The following TMPRSS9 variants were observed in gnomAD, a reference collection of about 807,000 sequenced individuals.
TMPRSS9 encodes the protein transmembrane serine protease 9, also known as transmembrane protease serine 9.
Under a neutral mutation model 111.4 loss-of-function variants are expected in TMPRSS9, and 113 were observed. The ratio of observed to expected loss-of-function variants is 1.01; its 90% CI spans 0.87 to 1.19. The LOEUF (loss-of-function observed/expected upper bound fraction) is 1.19. Among genes scored for constraint, TMPRSS9 ranks in the 50% most tolerant of loss-of-function variants. The pLI, the probability that TMPRSS9 is intolerant of heterozygous loss-of-function variation, is 0.00. For synonymous variants in TMPRSS9, 805 were observed against 659.1 expected, an observed-to-expected ratio of 1.22 and a Z score of -3.39; for missense variants, 1,803 against 1,513.1, an observed-to-expected ratio of 1.19 and a Z score of -3.18.
chr19:2,418,187 C>T (rs905009967), intron 13 of TMPRSS9, 49 bp downstream of exon 14: 2 of 1,544,432 alleles, frequency 1.3e-6, no homozygotes, highest in African/African-American at 2.9e-5. Flanking sequence ...GAAATGCCCA[C>T]AGCCGTTCAC....
At chr19:2,384,094 C>T (rs1351303965) in intron 1 of TMPRSS9, among the ~76,000 whole-genome samples, 1 of 152,110 alleles carries the variant, frequency 6.6e-6, no homozygotes, top group African/African-American at 2.4e-5. Context: ...GTGGGCACGT[C>T]CAGGGGACCC....
At chr19:2,425,439 C>T (rs767009560) in exon 17 of TMPRSS9, 9 of 1,591,378 alleles carry the variant, frequency 5.7e-6, no homozygotes, top group South Asian at 1.1e-5. Flanking sequence ...CAGTGCAGAT[C>T]AGCAGCCGCA....
At chr19:2,372,249 C>T (rs1336908702) in intron 1 of TMPRSS9, among the ~76,000 whole-genome samples, 3 of 152,110 alleles carry the variant, frequency 2.0e-5, no homozygotes, top group South Asian at 2.1e-4. Context: ...CGCAGGCGGG[C>T]GAGTCTCCTC....
At chr19:2,425,057 G>C (rs765439744) in exon 16 of TMPRSS9, 1 of 1,567,002 alleles carries the variant, frequency 6.4e-7, no homozygotes, top group East Asian at 2.3e-5. Flanking sequence ...CCTGAGCGGC[G>C]CGGAGGGGCA....
chr19:2,377,425 A>G (rs967438051), intron 1 of TMPRSS9, among the ~76,000 whole-genome samples: 5 of 134,524 alleles, frequency 3.7e-5, no homozygotes, highest in African/African-American at 1.5e-4. Flanking sequence ...ATGAGCCACC[A>G]CACCTGGTCT....
chr19:2,402,055 A>G, intron 5 of TMPRSS9, 39 bp downstream of exon 6: 7 of 1,596,714 alleles, frequency 4.4e-6, no homozygotes, highest in Middle Eastern at 1.7e-4. Flanking sequence ...GATTGCAGTT[A>G]CTGACAGAGG....
chr19:2,368,444 T>TG (rs1195246407), intron 1 of TMPRSS9, among the ~76,000 whole-genome samples: 19 of 151,980 alleles, frequency 1.3e-4, no homozygotes, highest in African/African-American at 4.6e-4. Flanking sequence ...TGTGCATGTT[T>TG]GGGGATCGGC....
intron 2 of TMPRSS9, among the ~76,000 whole-genome samples, chr19:2,397,671 G>A (rs1970738859): frequency 6.6e-6 from 1 of 151,658 alleles, no homozygotes; most frequent in Admixed American, 6.6e-5. Flanking sequence ...TGTAATCCCA[G>A]CACTTTGGGA....
At chr19:2,379,657 C>CT (rs1196780722) in intron 1 of TMPRSS9, among the ~76,000 whole-genome samples, 2 of 149,150 alleles carry the variant, frequency 1.3e-5, no homozygotes, top group Non-Finnish European at 3.0e-5. Context: ...TTCTTTCTTT[C>CT]TTTCTTTCTT....
At chr19:2,401,564 C>T (rs1450626651) in intron 4 of TMPRSS9, among the ~76,000 whole-genome samples, 1 of 152,062 alleles carries the variant, frequency 6.6e-6, no homozygotes, top group Non-Finnish European at 1.5e-5. Context: ...GGCAGCTGCT[C>T]ACTTTACTCC....
intron 1 of TMPRSS9, among the ~76,000 whole-genome samples, chr19:2,383,486 T>TA (rs966420020): frequency 3.3e-4 from 48 of 145,154 alleles, no homozygotes; most frequent in Middle Eastern, 3.5e-3. Flanking sequence ...ACCCCGTCTC[T>TA]AAAAAAAAAA....
intron 8 of TMPRSS9, 78 bp downstream of exon 9, chr19:2,408,708 G>A: frequency 6.5e-7 from 1 of 1,533,398 alleles, no homozygotes; most frequent in Non-Finnish European, 8.8e-7. Context: ...CAGGTGAGGT[G>A]GCTCACGCCT....
intron 12 of TMPRSS9, among the ~76,000 whole-genome samples, chr19:2,417,774 A>G (rs1484939956): frequency 3.3e-5 from 5 of 152,150 alleles, no homozygotes; most frequent in African/African-American, 1.2e-4. Context: ...CCCAGGTGCT[A>G]GGGCGGCAGC....
chr19:2,397,107 G>C (rs1226958692), intron 2 of TMPRSS9, among the ~76,000 whole-genome samples: 5 of 151,782 alleles, frequency 3.3e-5, no homozygotes, highest in Non-Finnish European at 5.9e-5. Flanking sequence ...TTTTAGTAGA[G>C]ACGGGGTTTC....
intron 17 of TMPRSS9, 129 bp from the exon 19 acceptor site, chr19:2,425,798 A>AT: frequency 7.4e-7 from 1 of 1,358,686 alleles, no homozygotes; most frequent in Non-Finnish European, 9.8e-7. Flanking sequence ...CATTGAGCCC[A>AT]TTTTCCAGAT....
chr19:2,367,209 G>A (rs1970254161), intron 1 of TMPRSS9, among the ~76,000 whole-genome samples: 1 of 152,174 alleles, frequency 6.6e-6, no homozygotes, highest in Non-Finnish European at 1.5e-5. Context: ...GGTGAGGATA[G>A]CAAATAATTT....
intron 7 of TMPRSS9, among the ~76,000 whole-genome samples, chr19:2,407,420 G>T (rs1172182510): frequency 6.6e-6 from 1 of 151,542 alleles, no homozygotes; most frequent in African/African-American, 2.4e-5. Flanking sequence ...CCAGTTACTT[G>T]GGAGGCTGAG....
chr19:2,402,187 G>C (rs1970863993), intron 5 of TMPRSS9, among the ~76,000 whole-genome samples, 171 bp downstream of exon 6: 1 of 151,178 alleles, frequency 6.6e-6, no homozygotes, highest in African/African-American at 2.4e-5. Context: ...GAGGCCAGGA[G>C]TTTGAGACCA....
chr19:2,362,171 C>T (rs1435403982), intron 1 of TMPRSS9, among the ~76,000 whole-genome samples: 2 of 151,056 alleles, frequency 1.3e-5, no homozygotes, highest in African/African-American at 4.9e-5. Context: ...TGTGTGTGGT[C>T]ATGTGTCATG....
Sources: gnomAD v4.1 joint callset for allele counts (sites outside exome capture counted in the v4.1 genomes callset) on GRCh38, gnomAD v4.1.1 for gene constraint, MANE v1.5 for transcripts, NCBI Gene and HGNC (gene_info 2026-07-23, HGNC 2026-07-21) for gene names.